Variants in PDE1C observed in about 807,000 individuals in gnomAD.
PDE1C encodes the protein dual specificity calcium/calmodulin-dependent 3',5'-cyclic nucleotide phosphodiesterase 1C.
In PDE1C, 62 loss-of-function variants were observed where a neutral mutation model predicts 93.1. That is an observed-to-expected ratio of 0.67 (90% CI 0.54 to 0.82). PDE1C has a LOEUF of 0.82. PDE1C is among the 40% of genes least tolerant of loss of function. The probability of loss-of-function intolerance (pLI) is 0.00; values close to 1 mark genes in which losing one functional copy is unlikely to be tolerated. For synonymous variants in PDE1C, 325 were observed against 310.1 expected (o/e 1.05, Z -0.50); for missense variants, 742 against 884.6 (o/e 0.84, Z 2.04).
chr7:31,916,341 G>C (rs935812001), intron 2 of PDE1C, among the ~76,000 whole-genome samples: 2 of 152,118 alleles, frequency 1.3e-5, no homozygotes, highest in African/African-American at 2.4e-5. Context: ...AAATAAAATT[G>C]AATTACTGAG....
At chr7:32,018,972 G>T (rs1378298082) in intron 2 of PDE1C, among the ~76,000 whole-genome samples, 2 of 151,832 alleles carry the variant, frequency 1.3e-5, no homozygotes, top group African/African-American at 4.8e-5. Flanking sequence ...TACCATGGAG[G>T]ATACAGTCAT....
At chr7:32,403,719 C>A (rs184380172) in intron 1 of PDE1C, among the ~76,000 whole-genome samples, 12 of 152,306 alleles carry the variant, frequency 7.9e-5, no homozygotes, top group South Asian at 4.1e-4. Flanking sequence ...TATACCCCCA[C>A]GCTTTGGCAC....
intron 1 of PDE1C, among the ~76,000 whole-genome samples, chr7:32,366,363 T>C (rs1238895316): frequency 6.6e-6 from 1 of 152,044 alleles, no homozygotes; most frequent in African/African-American, 2.4e-5. Context: ...AGACAGGTCA[T>C]TTGAAATAAC....
chr7:31,658,179 T>TG, the PDE1C span: 1 of 1,145,646 alleles, frequency 8.7e-7, no homozygotes, highest in Middle Eastern at 2.0e-4. Flanking sequence ...TGTAGATTTG[T>TG]GTAAGGATAT....
intron 2 of PDE1C, among the ~76,000 whole-genome samples, chr7:31,975,722 G>A (rs1452184708): frequency 6.6e-6 from 1 of 152,146 alleles, no homozygotes; most frequent in East Asian, 1.9e-4. Flanking sequence ...GTAAAGTGGA[G>A]GTATAACTAC....
intron 16 of PDE1C, among the ~76,000 whole-genome samples, chr7:31,793,576 ACT>A (rs1414886129): frequency 6.6e-6 from 1 of 151,890 alleles, no homozygotes; most frequent in African/African-American, 2.4e-5. Flanking sequence ...AAGTTATAAA[ACT>A]CTAAATAGAA....
At chr7:31,620,317 C>A in the PDE1C span, among the ~76,000 whole-genome samples, 2 of 151,678 alleles carry the variant, frequency 1.3e-5, no homozygotes, top group African/African-American at 4.8e-5. Context: ...CAAGTGGGTC[C>A]CTGACCCCTG....
chr7:32,242,463 G>T (rs1190062754), intron 1 of PDE1C, among the ~76,000 whole-genome samples: 3 of 152,212 alleles, frequency 2.0e-5, no homozygotes, highest in African/African-American at 4.8e-5. Flanking sequence ...AGCTAAGAAG[G>T]CAAGATCATT....
Position 32,184,760 on chromosome 7 carries a change from C to T in PDE1C, c.137-14804G>A, listed in dbSNP as rs548356774. ...ACATGTATACATATGTAAACCTGCA[C>T]GTTGTGCACATGTACCCTAAAACTT... On this transcript the variant is annotated intron_variant, in intron 2 of 18. Coordinates refer to the PDE1C transcript ENST00000396193. Among the ~76,000 whole-genome samples, 17 of 152,020 alleles carry T rather than the reference C, an allele frequency of 1.1e-4. 1 individual carries two copies. In the South Asian group the frequency reaches 3.1e-3, roughly 28 times the overall value.
At chr7:32,293,604 A>G (rs1340932903) in intron 1 of PDE1C, among the ~76,000 whole-genome samples, 1 of 152,184 alleles carries the variant, frequency 6.6e-6, no homozygotes. Flanking sequence ...GTGAGGAAAC[A>G]GAGGCTCAGA....
At chr7:31,948,605 C>T (rs1457247365) in intron 2 of PDE1C, among the ~76,000 whole-genome samples, 1 of 152,126 alleles carries the variant, frequency 6.6e-6, no homozygotes, top group Non-Finnish European at 1.5e-5. Context: ...TTTTCTTCCT[C>T]CCAACTTTCT....
At chr7:31,808,391 G>C (rs1787121769) in intron 16 of PDE1C, 1 of 239,252 alleles carries the variant, frequency 4.2e-6, no homozygotes, top group South Asian at 5.2e-5. Context: ...GCCAGGGCAG[G>C]TGTTTCAATC....
intron 3 of PDE1C, among the ~76,000 whole-genome samples, chr7:32,119,798 T>C (rs1207733244): frequency 1.3e-5 from 2 of 152,178 alleles, no homozygotes. Context: ...CTCCAGGGCA[T>C]AGGGTCCCAA....
the PDE1C span, among the ~76,000 whole-genome samples, chr7:31,639,559 T>C: frequency 7.1e-6 from 1 of 141,684 alleles, no homozygotes; most frequent in Admixed American, 7.3e-5. Context: ...TTTTTTGAGA[T>C]GGAGTCTCAC....
chr7:31,714,635 G>A, the PDE1C span, among the ~76,000 whole-genome samples: 1 of 152,226 alleles, frequency 6.6e-6, no homozygotes, highest in Middle Eastern at 3.2e-3. Context: ...AGTTTCACAT[G>A]GCTGAGGAGG....
intron 2 of PDE1C, among the ~76,000 whole-genome samples, chr7:31,908,267 G>A (rs1800831706): frequency 6.6e-6 from 1 of 152,076 alleles, no homozygotes; most frequent in Non-Finnish European, 1.5e-5. Flanking sequence ...AGTCAATAGT[G>A]TTTTCTTTTT....
At chr7:31,653,356 T>A in the PDE1C span, 121,718 of 156,602 alleles carry the variant, frequency 0.78, 47,410 homozygotes, top group East Asian at 0.82. Context: ...GTAGAGGAAC[T>A]GTCACTTATG....
At chr7:32,256,564 C>A (rs1259443396) in intron 1 of PDE1C, among the ~76,000 whole-genome samples, 2 of 152,346 alleles carry the variant, frequency 1.3e-5, no homozygotes, top group South Asian at 2.1e-4. Context: ...TCTCTACCAG[C>A]CTAGCCAACA....
At chr7:32,416,403 A>G (rs1785277772) in intron 1 of PDE1C, among the ~76,000 whole-genome samples, 2 of 152,178 alleles carry the variant, frequency 1.3e-5, no homozygotes, top group Admixed American at 1.3e-4. Context: ...GGAGACTCAC[A>G]ATGTAAGCTT....
Sources: gnomAD v4.1 joint callset for allele counts (sites outside exome capture counted in the v4.1 genomes callset) on GRCh38, gnomAD v4.1.1 for gene constraint, MANE v1.5 for transcripts, NCBI Gene and HGNC (gene_info 2026-07-23, HGNC 2026-07-21) for gene names.